The following MAPK4 variants were observed in gnomAD, a reference collection of about 807,000 sequenced individuals.
MAPK4 encodes the protein mitogen-activated protein kinase 4.
In MAPK4, 22 loss-of-function variants were observed where a neutral mutation model predicts 47.7. The ratio of observed to expected loss-of-function variants is 0.46; its 90% CI spans 0.33 to 0.66. The LOEUF (loss-of-function observed/expected upper bound fraction) is 0.66, where lower values mean the gene tolerates loss of function less well. Among genes scored for constraint, MAPK4 ranks in the 30% least tolerant of loss-of-function variants. The probability of loss-of-function intolerance (pLI) is 0.02; values close to 1 mark genes in which losing one functional copy is unlikely to be tolerated. For synonymous variants in MAPK4, 390 were observed against 365.7 expected (o/e 1.07, Z -0.76); for missense variants, 736 against 831.7 (o/e 0.88, Z 1.42).
intron 1 of MAPK4, among the ~76,000 whole-genome samples, chr18:50,604,672 C>T (rs1273459028): frequency 1.3e-5 from 2 of 152,176 alleles, no homozygotes; most frequent in Non-Finnish European, 1.5e-5. Context: ...GTCTAAAAGA[C>T]CTTATCCACT....
chr18:50,649,936 A>C (rs1186894504), intron 1 of MAPK4, among the ~76,000 whole-genome samples: 1 of 152,170 alleles, frequency 6.6e-6, no homozygotes, highest in Non-Finnish European at 1.5e-5. Context: ...GTGCGTCACC[A>C]TCCAGCCCGC....
chr18:50,653,179 A>AC (rs2043069221), intron 1 of MAPK4, among the ~76,000 whole-genome samples: 3 of 151,390 alleles, frequency 2.0e-5, no homozygotes, highest in Non-Finnish European at 4.4e-5. Flanking sequence ...ACAGAGCAAG[A>AC]CCTTAGTCTC....
At chr18:50,622,869 C>T (rs1031165571) in intron 1 of MAPK4, among the ~76,000 whole-genome samples, 5 of 152,184 alleles carry the variant, frequency 3.3e-5, no homozygotes, top group African/African-American at 9.7e-5. Flanking sequence ...AAAGCCAGTG[C>T]GCCCAAGCCA....
At position 50,700,115 on chromosome 18, in the gene MAPK4, C is replaced by G. The variant is rs139129614; in HGVS notation, c.547-14964C>G. The stretch of plus-strand genomic sequence containing the variant: ...CCACCCCCTGGAAGTTGGGCTGATA[C>G]CACGTGGCTCAAAGCCCAAGCCTTC... On this transcript the variant is annotated intron_variant, in intron 2 of 5. Transcript: ENST00000400384. Among the ~76,000 whole-genome samples the G allele has an allele frequency of 5.8e-3, 877 of 152,276 alleles. 6 individuals carry two copies. The highest frequency in any genetic ancestry group is 0.02 in the African/African-American group (817 of 41,556).
At chr18:50,588,374 G>A (rs554348392) in intron 1 of MAPK4, among the ~76,000 whole-genome samples, 1 of 152,204 alleles carries the variant, frequency 6.6e-6, no homozygotes, top group African/African-American at 2.4e-5. Context: ...GGTGGTCTCT[G>A]GGTAGTTGGA....
rs537843249 is a variant in MAPK4 at position 50,657,846 on chromosome 18, A to C, written c.-870-5243A>C. Among the ~76,000 whole-genome samples the C allele has an allele frequency of 2.6e-5, 4 of 152,206 alleles. No homozygotes were observed. The South Asian group carries it at 8.3e-4, about 32-fold the overall frequency. On this transcript the variant is annotated intron_variant, in intron 1 of 5. Transcript: ENST00000400384. ...GGCTGAGAAACCCTGGTTTAGACCC[A>C]CTGGGAGTCATTCCTGGGTAGGCTC...
chr18:50,722,165 AG>A (rs3835316), intron 4 of MAPK4, 66 bp downstream of exon 4: 274,641 of 1,539,574 alleles, frequency 0.18, 25,805 homozygotes, highest in South Asian at 0.21. Context: ...CTTGCGGGGT[AG>A]GGGGCAGGCA....
At position 50,731,051 on chromosome 18, in the gene MAPK4, T is replaced by TG. The variant is rs1911536853; in HGVS notation, c.*1202dup. The stretch of plus-strand genomic sequence containing the variant: ...TGTGTTGGAGAGCACGTCGTGACCT[T>TG]GGGGGCAAGGAATCCAGAAAGGTAG... On this transcript the variant is annotated 3_prime_UTR_variant, in exon 6 of 6. Transcript: ENST00000400384. 6.6e-6 allele frequency: 1 copy of TG among 152,174 alleles called. No homozygotes were observed. The highest frequency in any genetic ancestry group is 2.1e-4 in the South Asian group (1 of 4,816). 9.4% of individuals were successfully genotyped at this position (152,174 alleles called of 1,614,324 possible).
intron 2 of MAPK4, among the ~76,000 whole-genome samples, chr18:50,694,801 A>C (rs755375446): frequency 2.0e-4 from 30 of 152,250 alleles, no homozygotes; most frequent in Middle Eastern, 6.8e-3. Flanking sequence ...TCAGTGAGAG[A>C]GGAGAGAGCA....
chr18:50,726,257 CCT>C (rs1056238349), intron 5 of MAPK4, 82 bp downstream of exon 5: 2 of 1,327,562 alleles, frequency 1.5e-6, no homozygotes, highest in African/African-American at 2.9e-5. Context: ...GTGACCTTCC[CCT>C]CTGTCTCCCA....
chr18:50,597,438 C>CA (rs1221313068), intron 1 of MAPK4, among the ~76,000 whole-genome samples: 5 of 152,202 alleles, frequency 3.3e-5, no homozygotes, highest in Admixed American at 3.3e-4. Context: ...CTAGTGGCCC[C>CA]AGGGAGTCTT....
intron 1 of MAPK4, chr18:50,560,889 C>A (rs926173745): frequency 1.3e-5 from 2 of 152,262 alleles, no homozygotes; most frequent in African/African-American, 4.8e-5. Flanking sequence ...CGGGCCGGCT[C>A]CCTGAGCCTC....
Position 50,685,834 on chromosome 18 carries a change from C to T in MAPK4, c.546+21330C>T, listed in dbSNP as rs143726006. Among the ~76,000 whole-genome samples the T allele has an allele frequency of 6.8e-3, 1,037 of 152,114 alleles. 15 individuals carry two copies. Among genetic ancestry groups the T allele is most frequent in the African/African-American group, 0.024 (1,002 of 41,482 alleles). ...TTGAATGGCACCAGATACTGACACT[C>T]GGTACACGCAGCTCTCTGGAGCATG... On this transcript the variant is annotated intron_variant, in intron 2 of 5. Transcript: ENST00000400384.
chr18:50,622,644 G>A (rs1415259092), intron 1 of MAPK4, among the ~76,000 whole-genome samples: 1 of 152,184 alleles, frequency 6.6e-6, no homozygotes, highest in African/African-American at 2.4e-5. Context: ...TTGACACATG[G>A]GCTGAGAACA....
chr18:50,668,854 T>A (rs1313738877), intron 2 of MAPK4, among the ~76,000 whole-genome samples: 1 of 152,216 alleles, frequency 6.6e-6, no homozygotes, highest in African/African-American at 2.4e-5. Context: ...GGGTTTTGAC[T>A]CCATGTCCAC....
At chr18:50,715,995 T>G (rs1247003495) in intron 3 of MAPK4, among the ~76,000 whole-genome samples, 1 of 152,204 alleles carries the variant, frequency 6.6e-6, no homozygotes, top group Non-Finnish European at 1.5e-5. Flanking sequence ...GACCTCCTTC[T>G]CTGCTTAGAA....
At chr18:50,677,261 G>C in intron 2 of MAPK4, among the ~76,000 whole-genome samples, 1 of 152,180 alleles carries the variant, frequency 6.6e-6, no homozygotes, top group East Asian at 1.9e-4. Context: ...TGCTGGGCTA[G>C]AAGTAAAAAC....
upstream of MAPK4, chr18:50,560,026 G>A (rs1392956715): frequency 1.3e-5 from 2 of 148,482 alleles, no homozygotes; most frequent in African/African-American, 4.9e-5. Flanking sequence ...GGCGGGGCCC[G>A]GCTCTGGGCG....
At chr18:50,587,054 T>C (rs531310662) in intron 1 of MAPK4, among the ~76,000 whole-genome samples, 22 of 152,328 alleles carry the variant, frequency 1.4e-4, no homozygotes, top group African/African-American at 5.3e-4. Flanking sequence ...CTCTACCTTA[T>C]TTGATTACTA....
Sources: gnomAD v4.1 joint callset for allele counts (sites outside exome capture counted in the v4.1 genomes callset) on GRCh38, gnomAD v4.1.1 for gene constraint, MANE v1.5 for transcripts, NCBI Gene and HGNC (gene_info 2026-07-23, HGNC 2026-07-21) for gene names.